The following CENPP variants were observed in gnomAD, a reference collection of about 807,000 sequenced individuals.
The protein encoded by CENPP is centromere protein P.
Under a neutral mutation model 35.6 loss-of-function variants are expected in CENPP, and 24 were observed. The ratio of observed to expected loss-of-function variants is 0.67; its 90% CI spans 0.49 to 0.95. The LOEUF (loss-of-function observed/expected upper bound fraction) is 0.95, where lower values mean the gene tolerates loss of function less well. CENPP is among the 40% of genes least tolerant of loss of function. The probability of loss-of-function intolerance (pLI) is 0.00; values close to 1 mark genes in which losing one functional copy is unlikely to be tolerated. For synonymous variants in CENPP, 120 were observed against 125.5 expected (o/e 0.96, Z 0.29); for missense variants, 332 against 345.3 (o/e 0.96, Z 0.31).
At chr9:92,383,340 T>C (rs1050027548) in intron 5 of CENPP, among the ~76,000 whole-genome samples, 1 of 152,210 alleles carries the variant, frequency 6.6e-6, no homozygotes, top group East Asian at 1.9e-4. Flanking sequence ...GAAAGCATCA[T>C]TGAGATTTTG....
intron 5 of CENPP, among the ~76,000 whole-genome samples, chr9:92,525,119 A>G (rs1479181432): frequency 6.6e-6 from 1 of 152,068 alleles, no homozygotes; most frequent in Admixed American, 6.5e-5. Context: ...GGAGTTTAAG[A>G]CCAGAGTAAG....
At chr9:92,517,704 G>T in intron 5 of CENPP, 4 of 1,613,918 alleles carry the variant, frequency 2.5e-6, no homozygotes, top group Non-Finnish European at 3.4e-6. Context: ...GGAGCAGACC[G>T]GGCAGCATTC....
At chr9:92,529,358 G>A (rs545229395) in intron 5 of CENPP, among the ~76,000 whole-genome samples, 19 of 152,288 alleles carry the variant, frequency 1.2e-4, no homozygotes, top group African/African-American at 4.6e-4. Flanking sequence ...GTGCTGGTGG[G>A]AATGCAAAAT....
intron 2 of CENPP, among the ~76,000 whole-genome samples, chr9:92,336,560 CTTCCCTG>C (rs371196988): frequency 4.2e-4 from 64 of 152,266 alleles, no homozygotes; most frequent in African/African-American, 1.5e-3. Context: ...TTGCTCTTAT[CTTCCCTG>C]TTCCCTTTAT....
At chr9:92,589,377 G>GA (rs1850617123) in intron 5 of CENPP, among the ~76,000 whole-genome samples, 1 of 151,386 alleles carries the variant, frequency 6.6e-6, no homozygotes, top group Non-Finnish European at 1.5e-5. Context: ...AGAGAAAAAG[G>GA]AAACTACCAA....
At chr9:92,441,552 A>C (rs1844387054) in intron 5 of CENPP, among the ~76,000 whole-genome samples, 1 of 152,144 alleles carries the variant, frequency 6.6e-6, no homozygotes, top group African/African-American at 2.4e-5. Context: ...TGAGCCCAGG[A>C]GTTCAAGACC....
chr9:92,327,855 G>A (rs541091199), intron 1 of CENPP, among the ~76,000 whole-genome samples: 1 of 152,158 alleles, frequency 6.6e-6, no homozygotes, highest in Non-Finnish European at 1.5e-5. Flanking sequence ...AAGGTAGGGG[G>A]TATGTGACTT....
intron 5 of CENPP, among the ~76,000 whole-genome samples, chr9:92,457,763 C>CAGAT (rs1201419274): frequency 4.0e-5 from 6 of 150,490 alleles, no homozygotes; most frequent in Non-Finnish European, 7.4e-5. Flanking sequence ...TCTCTCTCTC[C>CAGAT]AGATAGATAG....
chr9:92,434,287 G>A (rs1206249693), intron 5 of CENPP, among the ~76,000 whole-genome samples: 2 of 151,662 alleles, frequency 1.3e-5, no homozygotes, highest in Non-Finnish European at 2.9e-5. Flanking sequence ...CACTCGGGAG[G>A]CTGAGGCAGA....
intron 4 of CENPP, among the ~76,000 whole-genome samples, chr9:92,359,541 C>T (rs1406767794): frequency 2.6e-5 from 4 of 152,032 alleles, no homozygotes; most frequent in Non-Finnish European, 4.4e-5. Flanking sequence ...CCCTTATATG[C>T]AGTTATTTGT....
intron 5 of CENPP, among the ~76,000 whole-genome samples, chr9:92,529,113 A>C (rs1014062012): frequency 1.3e-5 from 2 of 152,262 alleles, no homozygotes; most frequent in African/African-American, 4.8e-5. Flanking sequence ...AGCAGATTAG[A>C]CATTACCAAA....
chr9:92,415,099 A>AT (rs1843549616), intron 5 of CENPP: 2 of 1,300,550 alleles, frequency 1.5e-6, no homozygotes, highest in East Asian at 4.7e-5. Context: ...TAGATTTACT[A>AT]TATTAAGTAT....
At chr9:92,512,082 G>A in intron 5 of CENPP, 2 of 1,613,796 alleles carry the variant, frequency 1.2e-6, no homozygotes, top group Non-Finnish European at 1.7e-6. Context: ...TCCAAATTTG[G>A]TAATCCATTA....
intron 5 of CENPP, among the ~76,000 whole-genome samples, chr9:92,532,043 T>TTTTTTTTTTTTTA (rs1303915728): frequency 6.9e-6 from 1 of 145,052 alleles, no homozygotes; most frequent in Non-Finnish European, 1.5e-5. Context: ...TATTTTTTTT[T>TTTTTTTTTTTTTA]TGAGATGAGG....
chr9:92,607,459 G>C (rs968136285), intron 5 of CENPP, among the ~76,000 whole-genome samples: 1 of 152,142 alleles, frequency 6.6e-6, no homozygotes, highest in African/African-American at 2.4e-5. Context: ...GTACATTTAG[G>C]GGGTGATGAA....
intron 5 of CENPP, chr9:92,515,110 T>C (rs139720616): frequency 5.0e-6 from 8 of 1,614,000 alleles, no homozygotes; most frequent in East Asian, 4.5e-5. Flanking sequence ...CAGTTGCTTA[T>C]GAAGTAAATT....
chr9:92,386,061 T>C, intron 5 of CENPP: 1 of 677,094 alleles, frequency 1.5e-6, no homozygotes, highest in Non-Finnish European at 2.5e-6. Flanking sequence ...TTAATCTTTT[T>C]GATAGGCAGA....
intron 5 of CENPP, among the ~76,000 whole-genome samples, chr9:92,579,470 A>G (rs2131364524): frequency 6.6e-6 from 1 of 150,934 alleles, no homozygotes; most frequent in Non-Finnish European, 1.5e-5. Flanking sequence ...ATCCTCTTTT[A>G]TTTCGTTGAG....
intron 1 of CENPP, among the ~76,000 whole-genome samples, chr9:92,328,920 A>G (rs1381887720): frequency 6.6e-6 from 1 of 152,242 alleles, no homozygotes; most frequent in Non-Finnish European, 1.5e-5. Context: ...AAACACATGC[A>G]CATTGTTGTA....
Sources: allele counts gnomAD v4.1 joint callset (sites outside exome capture counted in the v4.1 genomes callset), GRCh38; gene constraint gnomAD v4.1.1; transcripts MANE v1.5; gene names NCBI Gene and HGNC (gene_info 2026-07-23, HGNC 2026-07-21).